Variants in SRGAP1 observed in about 807,000 individuals in gnomAD.
SRGAP1 encodes the protein SLIT-ROBO Rho GTPase activating protein 1.
SRGAP1 carries 43 observed loss-of-function variants against 121.9 expected under a neutral mutation model. That is an observed-to-expected ratio of 0.35 (90% CI 0.28 to 0.46). The LOEUF is 0.46. SRGAP1 is among the 20% of genes least tolerant of loss of function. The pLI is 1.00. For synonymous variants in SRGAP1, 447 were observed against 485.4 expected (o/e 0.92, Z 1.04); for missense variants, 1,102 against 1,350.9 (o/e 0.82, Z 2.89).
intron 18 of SRGAP1, among the ~76,000 whole-genome samples, chr12:64,125,605 T>G (rs1009677260): frequency 4.6e-5 from 7 of 152,212 alleles, no homozygotes; most frequent in African/African-American, 1.7e-4. Flanking sequence ...GTGTCATCTA[T>G]CAATGCCAAA....
At chr12:63,933,941 T>A (rs1555241643) in intron 1 of SRGAP1, among the ~76,000 whole-genome samples, 1 of 152,164 alleles carries the variant, frequency 6.6e-6, no homozygotes, top group Non-Finnish European at 1.5e-5. Flanking sequence ...ACAAGCCACT[T>A]ACTATAAATA....
At chr12:63,851,023 G>A (rs1899057184) in intron 1 of SRGAP1, among the ~76,000 whole-genome samples, 1 of 152,012 alleles carries the variant, frequency 6.6e-6, no homozygotes, top group Admixed American at 6.6e-5. Context: ...GGGTGTGGTA[G>A]CATGTATCTA....
intron 1 of SRGAP1, among the ~76,000 whole-genome samples, chr12:63,895,919 T>C (rs1900740333): frequency 6.6e-6 from 1 of 152,216 alleles, no homozygotes; most frequent in African/African-American, 2.4e-5. Context: ...CTTTATTCTT[T>C]AGTGTATCAT....
chr12:63,869,562 T>G (rs1899780273), intron 1 of SRGAP1, among the ~76,000 whole-genome samples: 1 of 152,210 alleles, frequency 6.6e-6, no homozygotes, highest in Non-Finnish European at 1.5e-5. Context: ...GGTCAGCACC[T>G]TATTCTCACA....
intron 18 of SRGAP1, among the ~76,000 whole-genome samples, chr12:64,123,322 G>A (rs1322511973): frequency 6.6e-6 from 1 of 152,046 alleles, no homozygotes; most frequent in African/African-American, 2.4e-5. Flanking sequence ...ATCCGGCATG[G>A]GTGACAAAAT....
intron 6 of SRGAP1, among the ~76,000 whole-genome samples, chr12:64,056,210 A>G (rs547739068): frequency 6.6e-6 from 1 of 152,254 alleles, no homozygotes; most frequent in South Asian, 2.1e-4. Context: ...ACTTCTCACT[A>G]GCTGTACTTG....
chr12:63,884,526 C>T (rs998241427), intron 1 of SRGAP1, among the ~76,000 whole-genome samples: 4 of 151,974 alleles, frequency 2.6e-5, no homozygotes, highest in African/African-American at 9.7e-5. Context: ...TTTATTGTTT[C>T]TTTGTGGTGA....
chr12:64,115,933 T>C (rs746769517), intron 18 of SRGAP1, 40 bp downstream of exon 18: 2 of 1,538,592 alleles, frequency 1.3e-6, no homozygotes, highest in South Asian at 2.3e-5. Flanking sequence ...CCAGTCTTTA[T>C]ATCCCTATTG....
intron 1 of SRGAP1, among the ~76,000 whole-genome samples, chr12:63,949,215 T>C: frequency 8.3e-6 from 1 of 120,772 alleles, no homozygotes; most frequent in East Asian, 2.9e-4. Flanking sequence ...ATATATTTTT[T>C]CCATATATAT....
intron 6 of SRGAP1, among the ~76,000 whole-genome samples, chr12:64,056,838 G>A (rs1268886589): frequency 6.6e-6 from 1 of 152,142 alleles, no homozygotes; most frequent in Non-Finnish European, 1.5e-5. Flanking sequence ...AGCATTGCAG[G>A]ACTGACTGCT....
At chr12:64,083,585 T>G (rs1336366395) in intron 10 of SRGAP1, among the ~76,000 whole-genome samples, 1 of 152,240 alleles carries the variant, frequency 6.6e-6, no homozygotes, top group Non-Finnish European at 1.5e-5. Context: ...CTCATTATTA[T>G]CATTTTCTTC....
chr12:64,065,989 T>G (rs944227986), intron 8 of SRGAP1, among the ~76,000 whole-genome samples: 21 of 152,256 alleles, frequency 1.4e-4, no homozygotes, highest in Middle Eastern at 3.4e-3. Context: ...GAAATTAACT[T>G]ACTTGAATTC....
intron 1 of SRGAP1, among the ~76,000 whole-genome samples, chr12:63,872,977 G>A (rs1448930143): frequency 6.6e-6 from 1 of 152,084 alleles, no homozygotes; most frequent in Non-Finnish European, 1.5e-5. Flanking sequence ...GAAAGGAGGG[G>A]CATTCTGGGT....
intron 1 of SRGAP1, among the ~76,000 whole-genome samples, chr12:63,856,610 C>T (rs377580618): frequency 7.1e-4 from 103 of 144,782 alleles, no homozygotes; most frequent in Non-Finnish European, 1.4e-3. Flanking sequence ...GTTTCACATA[C>T]GCAAAACTCT....
chr12:63,925,143 C>T (rs1246883711), intron 1 of SRGAP1, among the ~76,000 whole-genome samples: 1 of 152,150 alleles, frequency 6.6e-6, no homozygotes, highest in Admixed American at 6.6e-5. Context: ...AGTAGCAGAG[C>T]CTCCTTATGA....
At chr12:64,026,029 A>T (rs1017960422) in intron 4 of SRGAP1, among the ~76,000 whole-genome samples, 2 of 152,038 alleles carry the variant, frequency 1.3e-5, no homozygotes, top group African/African-American at 4.8e-5. Flanking sequence ...TTTCTTTCTG[A>T]TATTTAAGAA....
chr12:63,934,551 T>A (rs2031593671), intron 1 of SRGAP1, among the ~76,000 whole-genome samples: 1 of 152,200 alleles, frequency 6.6e-6, no homozygotes, highest in Non-Finnish European at 1.5e-5. Flanking sequence ...GCAACAACTC[T>A]TATATTTTTG....
chr12:63,897,770 T>C (rs1900802117), intron 1 of SRGAP1, among the ~76,000 whole-genome samples: 1 of 152,234 alleles, frequency 6.6e-6, no homozygotes, highest in South Asian at 2.1e-4. Flanking sequence ...CAAATTCAAT[T>C]TGAGAACACA....
At chr12:64,003,005 G>C (rs1040926995) in intron 3 of SRGAP1, among the ~76,000 whole-genome samples, 1 of 148,196 alleles carries the variant, frequency 6.7e-6, no homozygotes, top group Non-Finnish European at 1.5e-5. Context: ...AAGATCTTGG[G>C]GGGGGTGTGT....
Sources: allele counts gnomAD v4.1 joint callset (sites outside exome capture counted in the v4.1 genomes callset), GRCh38; gene constraint gnomAD v4.1.1; transcripts MANE v1.5; gene names NCBI Gene and HGNC (gene_info 2026-07-23, HGNC 2026-07-21).